Variants in HEXA observed in about 807,000 individuals in gnomAD.
HEXA encodes the protein beta-hexosaminidase subunit alpha.
HEXA carries 54 observed loss-of-function variants against 73.3 expected under a neutral mutation model. That is an observed-to-expected ratio of 0.74 (90% CI 0.59 to 0.92). The LOEUF is 0.92. Ranked by LOEUF, HEXA falls within the 40% of genes least tolerant of loss-of-function variation. The pLI is 0.00. For synonymous variants in HEXA, 230 were observed against 246.9 expected (o/e 0.93, Z 0.64); for missense variants, 649 against 653.0 (o/e 0.99, Z 0.07).
intron 2 of HEXA, 138 bp downstream of exon 2, chr15:72,356,387 T>C: frequency 1.2e-6 from 1 of 863,742 alleles, no homozygotes; most frequent in South Asian, 1.4e-5. Flanking sequence ...TCCATGGCTC[T>C]CAGCACTTGG....
chr15:72,349,372 C>T, intron 7 of HEXA, 113 bp from the exon 8 acceptor site: 1 of 854,214 alleles, frequency 1.2e-6, no homozygotes, highest in Non-Finnish European at 2.0e-6. Flanking sequence ...TCATAAACAT[C>T]ACACACATTT....
intron 1 of HEXA, among the ~76,000 whole-genome samples, chr15:72,363,190 T>C (rs994081173): frequency 2.6e-5 from 4 of 152,202 alleles, no homozygotes; most frequent in African/African-American, 7.2e-5. Flanking sequence ...AACCAAGATA[T>C]ATTGTGCATT....
At chr15:72,346,778 C>T (rs1567296132) in intron 10 of HEXA, 68 bp from the exon 11 acceptor site, 1 of 1,444,376 alleles carries the variant, frequency 6.9e-7, no homozygotes, top group East Asian at 2.3e-5. Flanking sequence ...TATTCATACA[C>T]AGGCAACATG....
At chr15:72,373,812 A>C (rs2089022819) in intron 1 of HEXA, among the ~76,000 whole-genome samples, 1 of 152,108 alleles carries the variant, frequency 6.6e-6, no homozygotes, top group Admixed American at 6.5e-5. Flanking sequence ...CAGCCTGGCC[A>C]ACATGGTGAA....
intron 1 of HEXA, among the ~76,000 whole-genome samples, chr15:72,374,229 T>A (rs527549149): frequency 3.4e-4 from 52 of 151,892 alleles, no homozygotes; most frequent in African/African-American, 1.2e-3. Flanking sequence ...GGATTTTTTT[T>A]TCCATAAACC....
rs1261692182 is a variant in HEXA at position 72,342,240 on chromosome 15, G to A, written c.*1837C>T. ...GCTGTGTGAAAATTCCAAGAATTCT[G>A]TTGGTAGAAAATGCCCACCCTGTCC... is the stretch of plus-strand genomic sequence containing the variant. On this transcript the variant is annotated 3_prime_UTR_variant, in exon 14 of 14. Transcript: ENST00000268097. The A allele has an allele frequency of 6.6e-6, 1 of 152,170 alleles. No individual in the cohort carries two copies. The highest frequency in any genetic ancestry group is 2.4e-5 in the African/African-American group (1 of 41,420). The allele number at this position is 152,170 out of a possible 1,614,324, so 9.4% of individuals were successfully genotyped here.
rs1179136996 is a variant in HEXA, at chr15:72,345,484, G to C, written c.1488C>G (p.Ala496=). 3.1e-6 allele frequency: 5 copies of C among 1,614,114 alleles called. No homozygotes were observed. In the East Asian group the frequency reaches 8.9e-5, roughly 29 times the overall value. The change falls in exon 13 of 14, where the codon GCC becomes GCG. Residue 496 remains alanine, a synonymous_variant. Transcript: ENST00000268097. ...AGCGGAAGTGTGACAAACGTTCATA[G>C]GCAAATGTCAGGTCAGATGTCAACT... is the stretch of plus-strand genomic sequence containing the variant. ...SNKLTSDLTF[A]YERLSHFRCE... is the part of the protein sequence containing the mutation.
In HEXA at chr15:72,348,112, C is replaced by T; in HGVS notation, c.1009G>A (p.Asp337Asn). The change falls in exon 9 of 14, where the codon GAC becomes AAC. Residue 337 changes from aspartate (D) to asparagine (N), a missense_variant. Physicochemically the swap from Asp to Asn is conservative, Grantham distance 23 (BLOSUM62 1). Coordinates refer to ENST00000268097, the MANE Select transcript of HEXA (RefSeq NM_000520.6). Reference sequence around the variant, plus strand: ...CCGAAGCCTTTCTTCCTCATAAAGTCCTGGATCTCTGGGTTGGACTTCCTG... The same window carrying T: ...CCGAAGCCTTTCTTCCTCATAAAGTTCTGGATCTCTGGGTTGGACTTCCTG... Reference protein sequence around the residue: ...TCWKSNPEIQDFMRKKGFGED... With the variant: ...TCWKSNPEIQNFMRKKGFGED... 1.9e-5 allele frequency: 31 copies of T among 1,613,136 alleles called. No homozygotes were observed. The highest frequency in any genetic ancestry group is 2.5e-5 in the Non-Finnish European group (30 of 1,179,108).
intron 1 of HEXA, among the ~76,000 whole-genome samples, chr15:72,367,022 C>T (rs2088926504): frequency 6.6e-6 from 1 of 152,070 alleles, no homozygotes; most frequent in Non-Finnish European, 1.5e-5. Flanking sequence ...CGGCTCACTG[C>T]AACCTCCACC....
chr15:72,366,483 A>G (rs944282215), intron 1 of HEXA, among the ~76,000 whole-genome samples: 3 of 151,196 alleles, frequency 2.0e-5, no homozygotes, highest in East Asian at 2.0e-4. Flanking sequence ...TAATTTTTCT[A>G]TTTTTACAAA....
At chr15:72,346,458 C>G (rs953668823) in intron 11 of HEXA, 69 bp downstream of exon 11, 2 of 1,552,030 alleles carry the variant, frequency 1.3e-6, no homozygotes, top group Non-Finnish European at 1.8e-6. Flanking sequence ...TGGCCCAGAC[C>G]TTCCTGCCTC....
intron 1 of HEXA, among the ~76,000 whole-genome samples, chr15:72,374,192 A>G (rs1181971811): frequency 6.6e-6 from 1 of 150,562 alleles, no homozygotes; most frequent in African/African-American, 2.4e-5. Flanking sequence ...AGTGCCCAGC[A>G]CTGGGATTGA....
At chr15:72,372,149 G>A (rs1282638415) in intron 1 of HEXA, among the ~76,000 whole-genome samples, 1 of 152,026 alleles carries the variant, frequency 6.6e-6, no homozygotes, top group East Asian at 1.9e-4. Flanking sequence ...TCTGGCCAAC[G>A]TGGTGAAACC....
At position 72,346,536 on chromosome 15, in the gene HEXA, C is replaced by T. The variant is rs2140320582; in HGVS notation, c.1321G>A (p.Ala441Thr). ...AGCTCTCTGCTTTCACCTTCAAATG[C>T]CAGGGGTTCCACTATGTAGAAATCC... is the stretch of plus-strand genomic sequence containing the variant. ...WKDFYIVEPL[A>T]FEGTPEQKAL... The change falls in exon 11 of 14, where the codon GCA becomes ACA. Residue 441 changes from alanine (A) to threonine (T), a missense_variant. Ala to Thr is a moderately conservative substitution (Grantham distance 58). Transcript: ENST00000268097. 6.2e-7 allele frequency: 1 copy of T among 1,613,906 alleles called. No individual in the cohort carries two copies. Among genetic ancestry groups the T allele is most frequent in the Non-Finnish European group, 8.5e-7 (1 of 1,179,846 alleles).
chr15:72,346,800 A>T, intron 10 of HEXA, 90 bp from the exon 11 acceptor site: 1 of 1,186,974 alleles, frequency 8.4e-7, no homozygotes, highest in Non-Finnish European at 1.3e-6. Context: ...GACAACAGGT[A>T]TGTGCTCCCT....
intron 12 of HEXA, 148 bp from the exon 13 acceptor site, chr15:72,345,698 G>A: frequency 7.4e-7 from 1 of 1,356,660 alleles, no homozygotes; most frequent in East Asian, 2.5e-5. Flanking sequence ...CCACAGCCAG[G>A]TTGGATGGCT....
intron 1 of HEXA, among the ~76,000 whole-genome samples, chr15:72,373,688 G>A (rs2089021466): frequency 6.6e-6 from 1 of 152,118 alleles, no homozygotes; most frequent in Admixed American, 6.5e-5. Flanking sequence ...CAATGGAGGT[G>A]AAGGCCTAAT....
At chr15:72,362,570 T>C (rs546891873) in intron 1 of HEXA, 60 of 437,816 alleles carry the variant, frequency 1.4e-4, no homozygotes, top group African/African-American at 1.2e-3. Flanking sequence ...AGATTACTTT[T>C]ATATCCCCAA....
chr15:72,354,272 A>G (rs4265763), intron 3 of HEXA: 146,069 of 163,068 alleles, frequency 0.9, 67,720 homozygotes, highest in East Asian at 1. Flanking sequence ...TTCAGAGTCT[A>G]AGAAGAGACC....
Sources: allele counts gnomAD v4.1 joint callset (sites outside exome capture counted in the v4.1 genomes callset), GRCh38; gene constraint gnomAD v4.1.1; transcripts MANE v1.5; gene names NCBI Gene and HGNC (gene_info 2026-07-23, HGNC 2026-07-21).